CSMD1: variants seen among roughly 807,000 people sequenced by gnomAD.
The protein encoded by CSMD1 is CUB and Sushi multiple domains 1.
A neutral mutation model predicts 417.5 loss-of-function variants in CSMD1; 213 were observed. The ratio of observed to expected loss-of-function variants is 0.51; its 90% CI spans 0.46 to 0.57. The LOEUF (loss-of-function observed/expected upper bound fraction) is 0.57, where lower values mean the gene tolerates loss of function less well. Ranked by LOEUF, CSMD1 falls within the 20% of genes least tolerant of loss-of-function variation. The probability of loss-of-function intolerance (pLI) is 0.00; values close to 1 mark genes in which losing one functional copy is unlikely to be tolerated. For synonymous variants in CSMD1, 2,862 were observed against 1,736.8 expected, an observed-to-expected ratio of 1.65 and a Z score of -16.11; for missense variants, 6,923 against 4,529.7, an observed-to-expected ratio of 1.53 and a Z score of -15.17.
intron 3 of CSMD1, among the ~76,000 whole-genome samples, chr8:4,052,190 G>A (rs770135477): frequency 7.2e-5 from 11 of 152,148 alleles, no homozygotes; most frequent in Admixed American, 1.3e-4. Context: ...CTCCGAAAGT[G>A]CTGGGGTTAC....
intron 2 of CSMD1, among the ~76,000 whole-genome samples, chr8:4,421,450 A>C (rs11776084): frequency 6.6e-6 from 1 of 152,082 alleles, no homozygotes; most frequent in Non-Finnish European, 1.5e-5. Context: ...ACAAACCTCA[A>C]ACTATATAAA....
At chr8:4,440,788 CA>C (rs1260031312) in intron 2 of CSMD1, among the ~76,000 whole-genome samples, 2 of 151,992 alleles carry the variant, frequency 1.3e-5, no homozygotes, top group African/African-American at 4.8e-5. Context: ...CTGAGGTCAG[CA>C]GTTCGGGACC....
At chr8:4,261,241 G>A (rs969258355) in intron 3 of CSMD1, among the ~76,000 whole-genome samples, 7 of 152,154 alleles carry the variant, frequency 4.6e-5, no homozygotes, top group Non-Finnish European at 8.8e-5. Context: ...ATCTTGTGTA[G>A]TAGACTCAAA....
chr8:3,576,310 T>C (rs928765369), intron 9 of CSMD1, among the ~76,000 whole-genome samples: 10 of 150,254 alleles, frequency 6.7e-5, no homozygotes, highest in Non-Finnish European at 1.5e-4. Flanking sequence ...ATACAAATCA[T>C]GGCTATTCCT....
intron 5 of CSMD1, among the ~76,000 whole-genome samples, chr8:3,948,388 C>A (rs75765370): frequency 0.022 from 3,370 of 152,134 alleles, 122 homozygotes; most frequent in African/African-American, 0.077. Flanking sequence ...CTGATGCATA[C>A]AGGAGAGGGA....
intron 37 of CSMD1, among the ~76,000 whole-genome samples, chr8:3,165,378 T>C (rs901039008): frequency 3.9e-5 from 6 of 152,100 alleles, no homozygotes; most frequent in African/African-American, 1.4e-4. Context: ...ACACTAGGAG[T>C]AATTCAAGTC....
At position 3,997,970 on chromosome 8, in the gene CSMD1, T is replaced by C. The variant is rs367928181; in HGVS notation, c.751A>G (p.Thr251Ala). ...TATCCTTCTTCTAGCTGAAAGTCAGTGAAGACCAGCGCAATGGTGTCCCCG... is the reference window on the plus strand; with the variant it reads ...TATCCTTCTTCTAGCTGAAAGTCAGCGAAGACCAGCGCAATGGTGTCCCCG... ...EPGDTIALVF[T>A]DFQLEEGYDF... is the part of the protein sequence containing the mutation. Residue 251 changes from threonine (T) to alanine (A), a missense_variant, in exon 5 of 70, where the codon ACT becomes GCT. Transcript: ENST00000635120. The C allele has an allele frequency of 3.1e-6, 5 of 1,611,512 alleles. No individual in the cohort carries two copies. Among genetic ancestry groups the C allele is most frequent in the Non-Finnish European group, 4.2e-6 (5 of 1,178,852 alleles).
intron 5 of CSMD1, among the ~76,000 whole-genome samples, chr8:3,844,978 G>A (rs180685255): frequency 5.3e-5 from 8 of 152,242 alleles, no homozygotes; most frequent in South Asian, 4.1e-4. Context: ...GATGTGATAT[G>A]CAGATACTGC....
intron 39 of CSMD1, among the ~76,000 whole-genome samples, chr8:3,157,355 G>C (rs989580366): frequency 6.6e-6 from 1 of 152,084 alleles, no homozygotes; most frequent in African/African-American, 2.4e-5. Context: ...ACAGTTTAGG[G>C]AGTCTCAAGC....
intron 12 of CSMD1, among the ~76,000 whole-genome samples, chr8:3,467,155 G>C (rs1816833336): frequency 6.6e-6 from 1 of 152,152 alleles, no homozygotes; most frequent in Non-Finnish European, 1.5e-5. Flanking sequence ...TGTGAAATAT[G>C]ACACATAGAA....
At chr8:4,481,987 T>G (rs10106998) in intron 2 of CSMD1, among the ~76,000 whole-genome samples, 1 of 152,008 alleles carries the variant, frequency 6.6e-6, no homozygotes, top group Admixed American at 6.6e-5. Flanking sequence ...ATATAGGCTT[T>G]ATCAGTACAA....
chr8:3,326,357 C>A (rs1448700039), intron 23 of CSMD1, among the ~76,000 whole-genome samples: 1 of 152,176 alleles, frequency 6.6e-6, no homozygotes, highest in African/African-American at 2.4e-5. Flanking sequence ...GTGGTACCTT[C>A]CACCTTCCTC....
chr8:3,925,741 C>T (rs903879775), intron 5 of CSMD1, among the ~76,000 whole-genome samples: 1 of 152,072 alleles, frequency 6.6e-6, no homozygotes, highest in African/African-American at 2.4e-5. Context: ...TGAGGCCTCC[C>T]CAGCCATGTG....
chr8:4,368,456 G>A (rs888207862), intron 3 of CSMD1, among the ~76,000 whole-genome samples: 2 of 152,120 alleles, frequency 1.3e-5, no homozygotes, highest in Non-Finnish European at 2.9e-5. Flanking sequence ...CTCTACCAGG[G>A]TTTTAATATC....
At chr8:4,193,596 C>A (rs1403470365) in intron 3 of CSMD1, among the ~76,000 whole-genome samples, 1 of 152,056 alleles carries the variant, frequency 6.6e-6, no homozygotes, top group South Asian at 2.1e-4. Flanking sequence ...ATGAGGGTCC[C>A]ACCGGGCCCT....
intron 3 of CSMD1, among the ~76,000 whole-genome samples, chr8:4,217,731 T>C (rs976369831): frequency 6.6e-6 from 1 of 152,200 alleles, no homozygotes; most frequent in African/African-American, 2.4e-5. Flanking sequence ...GTATGACTTC[T>C]ATACTCTACG....
chr8:4,135,062 G>A (rs892747275), intron 3 of CSMD1, among the ~76,000 whole-genome samples: 1 of 152,034 alleles, frequency 6.6e-6, no homozygotes, highest in Admixed American at 6.6e-5. Flanking sequence ...TCTTAGCACA[G>A]TGAGTTCACA....
intron 1 of CSMD1, among the ~76,000 whole-genome samples, chr8:4,692,679 C>T (rs1250182170): frequency 6.6e-6 from 1 of 152,144 alleles, no homozygotes; most frequent in East Asian, 1.9e-4. Flanking sequence ...CGATGGTCAC[C>T]ATTTTATAAC....
At chr8:3,718,299 T>TTC in intron 6 of CSMD1, among the ~76,000 whole-genome samples, 1 of 152,096 alleles carries the variant, frequency 6.6e-6, no homozygotes, top group East Asian at 1.9e-4. Flanking sequence ...TTCCTGCATT[T>TTC]TTTTTATTGG....
Sources: gnomAD v4.1 joint callset for allele counts (sites outside exome capture counted in the v4.1 genomes callset) on GRCh38, gnomAD v4.1.1 for gene constraint, MANE v1.5 for transcripts, NCBI Gene and HGNC (gene_info 2026-07-23, HGNC 2026-07-21) for gene names.